DYM: variants seen among roughly 807,000 people sequenced by gnomAD.
DYM encodes the protein dyggve-Melchior-Clausen syndrome protein.
DYM carries 78 observed loss-of-function variants against 93.1 expected under a neutral mutation model. That is an observed-to-expected ratio of 0.84 (90% CI 0.70 to 1.01). DYM has a LOEUF of 1.01. Among genes scored for constraint, DYM ranks in the 50% least tolerant of loss-of-function variants. The probability of loss-of-function intolerance (pLI) is 0.00; values close to 1 mark genes in which losing one functional copy is unlikely to be tolerated. For synonymous variants in DYM, 321 were observed against 319.7 expected (o/e 1.00, Z -0.04); for missense variants, 789 against 845.0 (o/e 0.93, Z 0.82).
At chr18:49,285,636 T>C (rs182559902) in intron 9 of DYM, among the ~76,000 whole-genome samples, 95 of 152,242 alleles carry the variant, frequency 6.2e-4, no homozygotes, top group African/African-American at 2.2e-3. Context: ...CATAGCCTAG[T>C]TGTGTAGTAG....
At chr18:49,080,329 C>T (rs1205098402) in intron 17 of DYM, among the ~76,000 whole-genome samples, 2 of 120,624 alleles carry the variant, frequency 1.7e-5, no homozygotes, top group Non-Finnish European at 3.5e-5. Context: ...GCTGGCCGGG[C>T]GGGGGGCTGA....
intron 5 of DYM, among the ~76,000 whole-genome samples, chr18:49,369,641 T>G (rs2066817652): frequency 6.6e-6 from 1 of 150,388 alleles, no homozygotes; most frequent in Admixed American, 6.6e-5. Context: ...TTCATGACTT[T>G]TTAGAAGTCC....
At chr18:49,419,253 G>A (rs893264953) in intron 2 of DYM, among the ~76,000 whole-genome samples, 15 of 152,032 alleles carry the variant, frequency 9.9e-5, no homozygotes, top group Admixed American at 2.6e-4. Flanking sequence ...CCAGCTACTC[G>A]GAAGCCTGAG....
chr18:49,155,358 G>A (rs951925939), intron 15 of DYM, among the ~76,000 whole-genome samples: 2 of 152,020 alleles, frequency 1.3e-5, no homozygotes, highest in Non-Finnish European at 2.9e-5. Flanking sequence ...CGTGCTCAAA[G>A]CACTACTTTT....
chr18:49,081,519 A>AGGGAGAG (rs55920237), intron 17 of DYM, among the ~76,000 whole-genome samples: 28 of 124,180 alleles, frequency 2.3e-4, no homozygotes, highest in Admixed American at 4.7e-4. Flanking sequence ...GGAGACCGAG[A>AGGGAGAG]GGGAGAGGGG....
chr18:49,355,231 TGATA>T lies in DYM; in HGVS notation c.494+7926_494+7929del. ...CTGATCAATAAACTTATAGATACAT[TGATA>T]GATGTATCTATCAATGTATAGATAT... On this transcript the variant is annotated intron_variant, in intron 6 of 17. Coordinates refer to ENST00000675505, the MANE Select transcript of DYM (RefSeq NM_001353214.3). Among the ~76,000 whole-genome samples, 2 of 152,038 alleles carry T rather than the reference TGATA, an allele frequency of 1.3e-5. 1 individual carries two copies. The highest frequency in any genetic ancestry group is 7.0e-3 in the Middle Eastern group (2 of 284).
At position 49,289,749 on chromosome 18, in the gene DYM, A is replaced by G. The variant is rs1324129907; in HGVS notation, c.764-3133T>C. On this transcript the variant is annotated intron_variant, in intron 8 of 17. Coordinates refer to ENST00000675505, the MANE Select transcript of DYM (RefSeq NM_001353214.3). Reference sequence around the variant, plus strand: ...TGTGTATATATATATATATATATATATATATATATATATATATATATATAC... The same window carrying G: ...TGTGTATATATATATATATATATATGTATATATATATATATATATATATAC... 2.6e-3 allele frequency among the ~76,000 whole-genome samples: 128 copies of G among 48,596 alleles called. 1 individual carries two copies. Among genetic ancestry groups the G allele is most frequent in the East Asian group, 0.021 (36 of 1,734 alleles). The allele number at this position is 48,596 out of a possible 152,430, so 31.9% of individuals were successfully genotyped here.
intron 17 of DYM, among the ~76,000 whole-genome samples, chr18:49,054,965 C>G (rs2075349243): frequency 6.6e-6 from 1 of 152,244 alleles, no homozygotes; most frequent in Admixed American, 6.5e-5. Flanking sequence ...GAGTCTGAAT[C>G]TTGAGCAAAT....
intron 16 of DYM, chr18:49,114,457 C>T (rs1235659039): frequency 1.3e-6 from 1 of 754,274 alleles, no homozygotes; most frequent in Admixed American, 6.3e-5. Context: ...GGTATAAGTC[C>T]AACTTAACAT....
chr18:49,290,134 CT>C (rs1472213336), intron 8 of DYM, among the ~76,000 whole-genome samples: 4 of 150,230 alleles, frequency 2.7e-5, no homozygotes, highest in Non-Finnish European at 5.9e-5. Context: ...GGAATGTTTA[CT>C]GTAATATTGT....
intron 15 of DYM, among the ~76,000 whole-genome samples, chr18:49,150,617 T>G (rs143036498): frequency 1.4e-4 from 21 of 152,318 alleles, no homozygotes; most frequent in Admixed American, 1.3e-3. Context: ...AACCACCCAG[T>G]CTACATTTTG....
At chr18:49,121,696 A>G (rs2146043943) in intron 15 of DYM, among the ~76,000 whole-genome samples, 1 of 152,294 alleles carries the variant, frequency 6.6e-6, no homozygotes, top group African/African-American at 2.4e-5. Flanking sequence ...AAACCCACAC[A>G]CATTAAATAC....
intron 8 of DYM, among the ~76,000 whole-genome samples, chr18:49,303,049 T>A (rs1362570200): frequency 6.6e-6 from 1 of 152,200 alleles, no homozygotes; most frequent in East Asian, 1.9e-4. Flanking sequence ...TCTCTCCCAC[T>A]CCTTCATCCT....
intron 17 of DYM, among the ~76,000 whole-genome samples, chr18:49,081,940 C>T (rs1438714506): frequency 1.3e-5 from 2 of 152,222 alleles, no homozygotes; most frequent in Non-Finnish European, 2.9e-5. Context: ...AGAATGCACC[C>T]TCTTCATGAG....
chr18:49,192,896 C>T (rs2091110723), intron 14 of DYM, among the ~76,000 whole-genome samples: 1 of 151,940 alleles, frequency 6.6e-6, no homozygotes, highest in South Asian at 2.1e-4. Context: ...TACCAGCGGC[C>T]AAGGGGGTAG....
chr18:49,350,024 T>C (rs1024662462), intron 6 of DYM, among the ~76,000 whole-genome samples: 1 of 152,206 alleles, frequency 6.6e-6, no homozygotes, highest in African/African-American at 2.4e-5. Flanking sequence ...ATGTACAATG[T>C]TTGCAAGGCT....
chr18:49,459,030 C>G (rs1248734906), intron 1 of DYM, among the ~76,000 whole-genome samples: 1 of 151,994 alleles, frequency 6.6e-6, no homozygotes, highest in Non-Finnish European at 1.5e-5. Flanking sequence ...ATGGGAGTAC[C>G]CTTTATTATT....
chr18:49,059,613 G>T (rs988410668), intron 17 of DYM, among the ~76,000 whole-genome samples: 1 of 152,062 alleles, frequency 6.6e-6, no homozygotes, highest in Non-Finnish European at 1.5e-5. Flanking sequence ...CTGTAGCAAG[G>T]GGCTCAGCTG....
chr18:49,271,360 T>C (rs1291357356), intron 11 of DYM, among the ~76,000 whole-genome samples: 1 of 151,886 alleles, frequency 6.6e-6, no homozygotes, highest in African/African-American at 2.4e-5. Context: ...TAACCAAAAA[T>C]GGTAATAAGA....
Sources: gnomAD v4.1 joint callset for allele counts (sites outside exome capture counted in the v4.1 genomes callset) on GRCh38, gnomAD v4.1.1 for gene constraint, MANE v1.5 for transcripts, NCBI Gene and HGNC (gene_info 2026-07-23, HGNC 2026-07-21) for gene names.